The following USP10 variants were observed in gnomAD, a reference collection of about 807,000 sequenced individuals.
The protein encoded by USP10 is ubiquitin carboxyl-terminal hydrolase 10.
Under a neutral mutation model 84.5 loss-of-function variants are expected in USP10, and 22 were observed. The observed-to-expected ratio is 0.26, with a 90% CI of 0.19 to 0.37. The LOEUF (loss-of-function observed/expected upper bound fraction) is 0.37. Ranked by LOEUF, USP10 falls within the 10% of genes least tolerant of loss-of-function variation. USP10 has a pLI of 1.00. For missense variants in USP10, 1,019 were observed against 998.9 expected, an observed-to-expected ratio of 1.02 and a Z score of -0.27; for synonymous variants, 454 against 387.6, an observed-to-expected ratio of 1.17 and a Z score of -2.01.
intron 1 of USP10, chr16:84,704,998 G>A: frequency 7.9e-7 from 1 of 1,268,944 alleles, no homozygotes. Flanking sequence ...CGTCTGCGCT[G>A]TAATGGTGGC....
chr16:84,773,930 C>A (rs2150873796), intron 12 of USP10, among the ~76,000 whole-genome samples: 1 of 152,214 alleles, frequency 6.6e-6, no homozygotes, highest in South Asian at 2.1e-4. Context: ...ATATCCGCTG[C>A]CACCTCCAAT....
At chr16:84,723,511 G>C (rs1043804561) in intron 1 of USP10, among the ~76,000 whole-genome samples, 4 of 152,138 alleles carry the variant, frequency 2.6e-5, no homozygotes, top group African/African-American at 4.8e-5. Flanking sequence ...ACTGACGCCT[G>C]GGAAGTCACA....
In USP10 at chr16:84,700,044, A is replaced by C. The variant is rs1164447247; in HGVS notation, c.-47A>C. ...AGAAGATGGCGGCGGCGGGGGAAGC[A>C]GCGTGAGCAGCCGGAGGATCGCGGA... On this transcript the variant is annotated 5_prime_UTR_variant, in exon 1 of 14. Coordinates refer to ENST00000219473, the MANE Select transcript of USP10 (RefSeq NM_005153.3). The C allele has an allele frequency of 1.5e-6, 2 of 1,354,594 alleles. 1 individual carries two copies. The highest frequency in any genetic ancestry group is 5.7e-4 in the Middle Eastern group (2 of 3,482). 83.9% of individuals were successfully genotyped at this position (1,354,594 alleles called of 1,614,324 possible).
intron 4 of USP10, 115 bp from the exon 5 acceptor site, chr16:84,758,601 G>C: frequency 1.4e-6 from 1 of 727,352 alleles, no homozygotes; most frequent in Non-Finnish European, 2.4e-6. Context: ...TTCTTTGGCT[G>C]TGTGTTTTAC....
chr16:84,730,976 CTTTTTTTTTTTTT>C (rs11401851), intron 1 of USP10, among the ~76,000 whole-genome samples: 5 of 105,064 alleles, frequency 4.8e-5, no homozygotes, highest in Non-Finnish European at 9.5e-5. Flanking sequence ...GCATTTCTAC[CTTTTTTTTTTTTT>C]TTTTTTTTTG....
chr16:84,700,350 G>A (rs1192792775), intron 1 of USP10, among the ~76,000 whole-genome samples: 1 of 152,046 alleles, frequency 6.6e-6, no homozygotes, highest in African/African-American at 2.4e-5. Context: ...GGGGCTCCGG[G>A]CCCCGCTTGG....
Position 84,776,733 on chromosome 16 carries a change from C to T in USP10, c.2209+1508C>T, listed in dbSNP as rs562617420. ...AGGGCCCCAGTGTGAGCACACACAC[C>T]CCTCCCCGACTCTGCAACCTGCCTC... On this transcript the variant is annotated intron_variant, in intron 13 of 13. Transcript: ENST00000219473. Among the ~76,000 whole-genome samples the T allele has an allele frequency of 3.9e-5, 6 of 152,324 alleles. No homozygotes were observed. The South Asian group carries it at 1.0e-3, about 26-fold the overall frequency.
Position 84,768,200 on chromosome 16 carries a change from G to C in USP10, c.1840G>C (p.Val614Leu), listed in dbSNP as rs1369466933. The C allele has an allele frequency of 6.3e-7, 1 of 1,587,456 alleles. No homozygotes were observed. The highest frequency in any genetic ancestry group is 8.6e-7 in the Non-Finnish European group (1 of 1,165,392). ...GIFGGHIRSV[V>L]YQQSSKESAT... ...TTTGCTTTCAATTCTTAGGTCTGTG[G>C]TTTACCAGCAGAGTTCAAAAGAATC... Residue 614 changes from valine (V) to leucine (L), a missense_variant, in exon 11 of 14, where the codon GTT (valine) becomes CTT (leucine). Around this residue, in one of 2 missense-constraint regions of USP10, gnomAD observed 232 missense variants for 290.1 expected, o/e 0.80. Transcript: ENST00000219473.
chr16:84,756,320 C>G (rs1912535819), intron 4 of USP10, among the ~76,000 whole-genome samples: 1 of 152,208 alleles, frequency 6.6e-6, no homozygotes, highest in Admixed American at 6.5e-5. Context: ...CAGCCACACA[C>G]CATGGCTCAT....
intron 4 of USP10, among the ~76,000 whole-genome samples, chr16:84,748,888 T>C (rs1371533212): frequency 6.6e-6 from 1 of 152,218 alleles, no homozygotes; most frequent in African/African-American, 2.4e-5. Context: ...CACGTAATTA[T>C]TTTTGTGTGG....
intron 2 of USP10, among the ~76,000 whole-genome samples, chr16:84,735,125 G>A (rs999037536): frequency 4.0e-5 from 6 of 151,514 alleles, no homozygotes; most frequent in East Asian, 3.9e-4. Flanking sequence ...CCCCCGCCCC[G>A]CCTCAGGGGG....
chr16:84,706,252 A>G (rs1302759557), intron 1 of USP10, among the ~76,000 whole-genome samples: 3 of 152,126 alleles, frequency 2.0e-5, no homozygotes, highest in African/African-American at 4.8e-5. Flanking sequence ...GGTTAAAAAT[A>G]GAAGAGGATT....
intron 2 of USP10, 145 bp from the exon 3 acceptor site, chr16:84,740,164 C>T: frequency 3.2e-6 from 2 of 622,364 alleles, no homozygotes; most frequent in South Asian, 2.3e-5. Context: ...TGCACTGACT[C>T]TTCATGTATG....
chr16:84,711,258 A>C (rs1906251876), intron 1 of USP10, among the ~76,000 whole-genome samples: 1 of 152,168 alleles, frequency 6.6e-6, no homozygotes, highest in Admixed American at 6.5e-5. Flanking sequence ...TGTTTTTAAA[A>C]ATGTAAGTAC....
In USP10 at chr16:84,739,661, A is replaced by G. The variant is rs557827847; in HGVS notation, c.91-648A>G. 2.6e-5 allele frequency among the ~76,000 whole-genome samples: 4 copies of G among 152,340 alleles called. No individual in the cohort carries two copies. The South Asian group carries it at 8.3e-4, about 32-fold the overall frequency. On this transcript the variant is annotated intron_variant, in intron 2 of 13. Coordinates refer to ENST00000219473, the MANE Select transcript of USP10 (RefSeq NM_005153.3). ...TTATGGAATAGCTAGGAAGAAGAAAAATTTAAGTTATTTTTGAGATAACCT... is the reference window on the plus strand; with the variant it reads ...TTATGGAATAGCTAGGAAGAAGAAAGATTTAAGTTATTTTTGAGATAACCT...
At chr16:84,756,065 G>T (rs890021403) in intron 4 of USP10, among the ~76,000 whole-genome samples, 1 of 152,026 alleles carries the variant, frequency 6.6e-6, no homozygotes, top group Non-Finnish European at 1.5e-5. Flanking sequence ...GCAGCCCTTG[G>T]ATTGGGCTAA....
chr16:84,775,693 C>T (rs1914937619), intron 13 of USP10, among the ~76,000 whole-genome samples: 3 of 152,174 alleles, frequency 2.0e-5, no homozygotes, highest in Non-Finnish European at 4.4e-5. Flanking sequence ...ACAAGCTCCT[C>T]GGCTGCCAGG....
intron 1 of USP10, among the ~76,000 whole-genome samples, chr16:84,720,677 G>T (rs1907674506): frequency 7.2e-6 from 1 of 139,496 alleles, no homozygotes; most frequent in Admixed American, 8.2e-5. Context: ...CACCTCCTGG[G>T]TTCACGCCAT....
rs1044094925 is a variant in USP10, at chr16:84,700,220, G to A, written c.21+109G>A. The A allele has an allele frequency of 3.3e-6, 3 of 915,446 alleles. No homozygotes were observed. The African/African-American group carries it at 5.4e-5, about 16-fold the overall frequency. The allele number at this position is 915,446 out of a possible 1,614,324, so 56.7% of individuals were successfully genotyped here. Reference sequence around the variant, plus strand: ...GCCCGGAGCGAGCGTGTGGGAGTGGGGGAGGGCGCTGGGACACGCTGCCCG... The same window carrying A: ...GCCCGGAGCGAGCGTGTGGGAGTGGAGGAGGGCGCTGGGACACGCTGCCCG... On this transcript the variant is annotated intron_variant, in intron 1 of 13. Coordinates refer to ENST00000219473, the MANE Select transcript of USP10 (RefSeq NM_005153.3).
Sources: allele counts gnomAD v4.1 joint callset (sites outside exome capture counted in the v4.1 genomes callset), GRCh38; gene constraint gnomAD v4.1.1; regional missense constraint gnomAD v4.1.1; transcripts MANE v1.5; gene names NCBI Gene and HGNC (gene_info 2026-07-23, HGNC 2026-07-21).